The following SERPINA3 variants were observed in gnomAD, a reference collection of about 807,000 sequenced individuals.
The protein encoded by SERPINA3 is serpin family A member 3, also known as alpha-1-antichymotrypsin.
SERPINA3 carries 32 observed loss-of-function variants against 26.8 expected under a neutral mutation model. That is an observed-to-expected ratio of 1.20 (90% CI 0.90 to 1.61). The LOEUF (loss-of-function observed/expected upper bound fraction) is 1.61, where lower values mean the gene tolerates loss of function less well. Among genes scored for constraint, SERPINA3 ranks in the 40% most tolerant of loss-of-function variants. The pLI is 0.00. For missense variants in SERPINA3, 632 were observed against 517.9 expected (o/e 1.22, Z -2.14); for synonymous variants, 252 against 206.4 (o/e 1.22, Z -1.89).
chr14:94,617,810 C>T (rs770759817), intron 2 of SERPINA3: 3 of 152,160 alleles, frequency 2.0e-5, no homozygotes, highest in Non-Finnish European at 4.4e-5. Context: ...ATTTTTTTTC[C>T]ATAAAGGGCC....
At chr14:94,615,213 T>G (rs1885948824) in intron 2 of SERPINA3, 129 bp downstream of exon 2, 7 of 1,031,196 alleles carry the variant, frequency 6.8e-6, no homozygotes, top group Non-Finnish European at 9.0e-6. Context: ...AGCATAAGCA[T>G]CAAGGCCCCA....
In SERPINA3 at chr14:94,622,399, G is replaced by C; in HGVS notation, c.976G>C (p.Asp326His). ...FSISRDYNLNDILLQLGIEEA... is the reference protein window; with the variant it reads ...FSISRDYNLNHILLQLGIEEA... ...CATCTCGAGGGACTATAACCTGAAC[G>C]ACATACTTCTCCAGCTGGGCATTGA... Residue 326 changes from aspartate (D) to histidine (H), a missense_variant, in exon 4 of 5, where the codon GAC becomes CAC. By Grantham distance (81) the Asp-to-His change is moderately conservative (BLOSUM62 -1). Coordinates refer to ENST00000393078, the MANE Select transcript of SERPINA3 (RefSeq NM_001085.5). The C allele has an allele frequency of 6.2e-7, 1 of 1,613,982 alleles. No homozygotes were observed. The highest frequency in any genetic ancestry group is 8.5e-7 in the Non-Finnish European group (1 of 1,179,992).
At position 94,623,781 on chromosome 14, in the gene SERPINA3, C is replaced by T. The variant is rs768741936; in HGVS notation, c.1239C>T (p.Phe413=). The T allele has an allele frequency of 1.2e-6, 2 of 1,614,136 alleles. No individual in the cohort carries two copies. Among genetic ancestry groups the T allele is most frequent in the Admixed American group, 1.7e-5 (1 of 60,032 alleles). Residue 413 remains phenylalanine (F), a synonymous_variant, in exon 5 of 5, where the codon TTC becomes TTT. Transcript: ENST00000393078. ...IVPTDTQNIF[F]MSKVTNPKQA Reference sequence around the variant, plus strand: ...CTACAGACACCCAGAACATCTTCTTCATGAGCAAAGTCACCAATCCCAAGC... The same window carrying T: ...CTACAGACACCCAGAACATCTTCTTTATGAGCAAAGTCACCAATCCCAAGC...
chr14:94,619,622 G>C (rs1886129511), intron 3 of SERPINA3, 154 bp downstream of exon 3: 2 of 900,314 alleles, frequency 2.2e-6, no homozygotes, highest in South Asian at 2.9e-5. Flanking sequence ...CTTTGGGCTT[G>C]ATTTTTCTTT....
intron 4 of SERPINA3, 128 bp downstream of exon 4, chr14:94,622,619 G>A (rs1595099831): frequency 1.9e-6 from 2 of 1,044,380 alleles, no homozygotes; most frequent in East Asian, 5.2e-5. Context: ...TACTCACCCT[G>A]CTTGGGACAC....
At chr14:94,616,006 G>A (rs1885983769) in intron 2 of SERPINA3, among the ~76,000 whole-genome samples, 2 of 152,176 alleles carry the variant, frequency 1.3e-5, no homozygotes, top group Admixed American at 1.3e-4. Flanking sequence ...TTGATTCCTG[G>A]GCAAGCCACT....
intron 2 of SERPINA3, among the ~76,000 whole-genome samples, chr14:94,616,966 T>A (rs1313551184): frequency 2.6e-5 from 4 of 152,006 alleles, no homozygotes; most frequent in African/African-American, 4.8e-5. Context: ...GCTTGGGTGG[T>A]GATTTCATCC....
At position 94,619,371 on chromosome 14, in the gene SERPINA3, G is replaced by C. The variant is rs144237088; in HGVS notation, c.820G>C (p.Ala274Pro). The change falls in exon 3 of 5, where the codon GCA becomes CCA. Residue 274 changes from alanine to proline, a missense_variant. Ala to Pro is a conservative substitution (Grantham distance 27). Transcript: ENST00000393078. ...GCTGAAGTACACAGGCAATGCCAGCGCACTCTTCATCCTCCCTGATCAAGA... is the reference window on the plus strand; with the variant it reads ...GCTGAAGTACACAGGCAATGCCAGCCCACTCTTCATCCTCCCTGATCAAGA... ...VELKYTGNAS[A>P]LFILPDQDKM... 2 of 1,614,128 alleles carry C rather than the reference G, an allele frequency of 1.2e-6. No individual in the cohort carries two copies. Among genetic ancestry groups the C allele is most frequent in the Non-Finnish European group, 1.7e-6 (2 of 1,180,004 alleles).
chr14:94,619,443 C>T lies in SERPINA3; in HGVS notation c.892C>T (p.Arg298Trp), dbSNP rs141970001. Reference sequence around the variant, plus strand: ...CATGCTGCTCCCAGAGACCCTGAAGCGGTGGAGAGACTCTCTGGAGTTCAG... The same window carrying T: ...CATGCTGCTCCCAGAGACCCTGAAGTGGTGGAGAGACTCTCTGGAGTTCAG... ...EAMLLPETLK[R>W]WRDSLEFREI... The change falls in exon 3 of 5, where the codon CGG (arginine) becomes TGG (tryptophan). Residue 298 changes from arginine (R) to tryptophan (W), a missense_variant. Coordinates refer to ENST00000393078, the MANE Select transcript of SERPINA3 (RefSeq NM_001085.5). The T allele has an allele frequency of 2.1e-4, 344 of 1,614,144 alleles. 2 individuals carry two copies. The East Asian group carries it at 3.4e-3, about 16-fold the overall frequency.
intron 4 of SERPINA3, 137 bp from the exon 5 acceptor site, chr14:94,623,474 A>G: frequency 1.2e-6 from 1 of 805,226 alleles, no homozygotes; most frequent in Non-Finnish European, 2.1e-6. Context: ...AGTTGGGAGG[A>G]GCAAACATTC....
chr14:94,618,833 C>T, intron 2 of SERPINA3: 4 of 386,724 alleles, frequency 1.0e-5, no homozygotes, highest in South Asian at 9.6e-5. Context: ...AGACATTTTT[C>T]CTTTTATGGA....
At chr14:94,620,060 TTGAG>T in intron 3 of SERPINA3, 1 of 285,152 alleles carries the variant, frequency 3.5e-6, no homozygotes, top group Non-Finnish European at 6.5e-6. Flanking sequence ...AGGTGAGAAA[TTGAG>T]TAAGGGGATA....
intron 1 of SERPINA3, chr14:94,613,840 TCCCTCTCTCAGTCGA>T (rs1885874570): frequency 6.5e-6 from 1 of 154,600 alleles, no homozygotes; most frequent in Non-Finnish European, 1.4e-5. Flanking sequence ...GACTTTCATT[TCCCTCTCTCAGTCGA>T]CCCTCACTGC....
rs777283820 is a variant in SERPINA3, at chr14:94,614,888, G to T, written c.447G>T (p.Leu149=). ...NAMFVKEQLS[L]LDRFTEDAKR... ...TGTTTGTCAAAGAGCAACTCAGTCT[G>T]CTGGACAGGTTCACGGAGGATGCCA... The change falls in exon 2 of 5, where the codon CTG becomes CTT. Residue 149 remains leucine, a synonymous_variant. Transcript: ENST00000393078. 1 of 1,614,202 alleles carries T rather than the reference G, an allele frequency of 6.2e-7. No individual in the cohort carries two copies. The highest frequency in any genetic ancestry group is 8.5e-7 in the Non-Finnish European group (1 of 1,180,036).
intron 3 of SERPINA3, among the ~76,000 whole-genome samples, chr14:94,620,920 C>T (rs558498054): frequency 6.6e-6 from 1 of 152,294 alleles, no homozygotes; most frequent in South Asian, 2.1e-4. Context: ...TGACCTGGAG[C>T]AGGTCGCTGC....
intron 2 of SERPINA3, among the ~76,000 whole-genome samples, chr14:94,616,764 C>G (rs1428558783): frequency 6.6e-6 from 1 of 152,130 alleles, no homozygotes; most frequent in African/African-American, 2.4e-5. Context: ...AAGGCCGTTA[C>G]AGCAGAGAGA....
At chr14:94,618,107 A>G (rs769357930) in intron 2 of SERPINA3, 4 of 152,176 alleles carry the variant, frequency 2.6e-5, no homozygotes, top group Non-Finnish European at 5.9e-5. Context: ...AATGAGTTTC[A>G]TGGAATTTTC....
At chr14:94,615,630 G>A (rs1298894456) in intron 2 of SERPINA3, 1 of 319,090 alleles carries the variant, frequency 3.1e-6, no homozygotes, top group Non-Finnish European at 6.2e-6. Context: ...ATTCTACTCT[G>A]CTATCATCTT....
rs61737405 is a variant in SERPINA3, at chr14:94,614,699, C to T, written c.258C>T (p.Phe86=). The part of the protein sequence containing the change: ...SPLSISTALA[F]LSLGAHNTTL... ...TGAGCATCTCCACCGCCTTGGCCTT[C>T]CTGTCTCTGGGGGCCCATAATACCA... The change falls in exon 2 of 5, where the codon TTC becomes TTT. Residue 86 remains phenylalanine, a synonymous_variant. Coordinates refer to ENST00000393078, the MANE Select transcript of SERPINA3 (RefSeq NM_001085.5). 1,545 of 1,614,180 alleles carry T rather than the reference C, an allele frequency of 9.6e-4. 12 individuals carry two copies. The African/African-American group carries it at 0.015, about 16-fold the overall frequency.
Sources: gnomAD v4.1 joint callset for allele counts (sites outside exome capture counted in the v4.1 genomes callset) on GRCh38, gnomAD v4.1.1 for gene constraint, MANE v1.5 for transcripts, NCBI Gene and HGNC (gene_info 2026-07-23, HGNC 2026-07-21) for gene names.